CAMKMT: variants seen among roughly 807,000 people sequenced by gnomAD.
The protein encoded by CAMKMT is CaM KMT.
In CAMKMT, 53 loss-of-function variants were observed where a neutral mutation model predicts 48.0. That is an observed-to-expected ratio of 1.10 (90% CI 0.89 to 1.39). The LOEUF (loss-of-function observed/expected upper bound fraction) is 1.39, where lower values mean the gene tolerates loss of function less well. Ranked by LOEUF, CAMKMT falls within the 40% of genes most tolerant of loss-of-function variation. The pLI, the probability that CAMKMT is intolerant of heterozygous loss-of-function variation, is 0.00. For synonymous variants in CAMKMT, 165 were observed against 152.3 expected, an observed-to-expected ratio of 1.08 and a Z score of -0.61; for missense variants, 428 against 402.7, an observed-to-expected ratio of 1.06 and a Z score of -0.54.
intron 3 of CAMKMT, among the ~76,000 whole-genome samples, chr2:44,556,179 C>T (rs567256338): frequency 1.3e-5 from 2 of 152,180 alleles, no homozygotes; most frequent in Admixed American, 6.5e-5. Flanking sequence ...TGCTCTGTCA[C>T]CCAGGCTGGA....
intron 7 of CAMKMT, among the ~76,000 whole-genome samples, chr2:44,725,486 G>A (rs868580696): frequency 6.6e-6 from 1 of 152,160 alleles, no homozygotes; most frequent in Non-Finnish European, 1.5e-5. Context: ...ACAAGACAGA[G>A]TCTGCTCTAA....
chr2:44,737,754 T>C (rs200293235), intron 7 of CAMKMT, among the ~76,000 whole-genome samples: 79 of 149,128 alleles, frequency 5.3e-4, no homozygotes, highest in African/African-American at 1.6e-3. Flanking sequence ...CTCTCTCTCT[T>C]TCTCTCTCTC....
intron 3 of CAMKMT, among the ~76,000 whole-genome samples, chr2:44,401,550 C>CT (rs1383143126): frequency 6.7e-6 from 1 of 150,026 alleles, no homozygotes; most frequent in Non-Finnish European, 1.5e-5. Context: ...GAGACTCTGT[C>CT]TCAAAAAAAA....
At chr2:44,661,820 A>G (rs987381813) in intron 3 of CAMKMT, among the ~76,000 whole-genome samples, 1 of 152,194 alleles carries the variant, frequency 6.6e-6, no homozygotes, top group African/African-American at 2.4e-5. Flanking sequence ...CAACCCAACT[A>G]AATTTCTTTG....
intron 3 of CAMKMT, among the ~76,000 whole-genome samples, chr2:44,471,749 C>T (rs1668430292): frequency 6.6e-6 from 1 of 152,118 alleles, no homozygotes; most frequent in South Asian, 2.1e-4. Flanking sequence ...CTCTGTTGCC[C>T]AGACTGTCTG....
At chr2:44,396,132 G>A (rs989255290) in intron 3 of CAMKMT, among the ~76,000 whole-genome samples, 2 of 151,742 alleles carry the variant, frequency 1.3e-5, no homozygotes, top group African/African-American at 4.8e-5. Context: ...ATTTAATATG[G>A]GTTAAGTATT....
At chr2:44,428,031 G>A (rs1330137950) in intron 3 of CAMKMT, among the ~76,000 whole-genome samples, 1 of 152,190 alleles carries the variant, frequency 6.6e-6, no homozygotes, top group Non-Finnish European at 1.5e-5. Context: ...CTAAGGGTGT[G>A]TGTTACAAAC....
chr2:44,612,520 T>C (rs1162889163), intron 3 of CAMKMT, among the ~76,000 whole-genome samples: 3 of 152,206 alleles, frequency 2.0e-5, no homozygotes, highest in African/African-American at 7.2e-5. Context: ...CTCTGAATAA[T>C]ATTACAGTTA....
intron 3 of CAMKMT, among the ~76,000 whole-genome samples, chr2:44,584,600 T>G (rs1437065941): frequency 6.6e-6 from 1 of 152,202 alleles, no homozygotes; most frequent in African/African-American, 2.4e-5. Context: ...ACAATTATTT[T>G]TGGAATTCAA....
chr2:44,750,042 A>G (rs1253341782), intron 8 of CAMKMT, among the ~76,000 whole-genome samples: 1 of 152,224 alleles, frequency 6.6e-6, no homozygotes, highest in Non-Finnish European at 1.5e-5. Context: ...TAGAGAAGAA[A>G]TTCAAGTTGT....
At chr2:44,469,322 A>G (rs1381951635) in intron 3 of CAMKMT, among the ~76,000 whole-genome samples, 4 of 150,022 alleles carry the variant, frequency 2.7e-5, no homozygotes, top group Non-Finnish European at 5.9e-5. Context: ...GTCTTAATCT[A>G]TTTGGCTGTT....
chr2:44,611,902 G>GC (rs1671620630), intron 3 of CAMKMT, among the ~76,000 whole-genome samples: 1 of 152,040 alleles, frequency 6.6e-6, no homozygotes, highest in South Asian at 2.1e-4. Context: ...TGAACTCAGA[G>GC]CAAGAGCTCA....
intron 3 of CAMKMT, among the ~76,000 whole-genome samples, chr2:44,679,438 C>T (rs1675894222): frequency 6.6e-6 from 1 of 152,092 alleles, no homozygotes; most frequent in African/African-American, 2.4e-5. Context: ...CTTTGAACTT[C>T]TGAGTGGAGA....
intron 3 of CAMKMT, among the ~76,000 whole-genome samples, chr2:44,665,994 A>G (rs1674944899): frequency 6.6e-6 from 1 of 152,236 alleles, no homozygotes; most frequent in African/African-American, 2.4e-5. Flanking sequence ...TAGGAAAAAC[A>G]CGGAGATAAT....
intron 10 of CAMKMT, among the ~76,000 whole-genome samples, chr2:44,766,767 CT>C (rs778660004): frequency 1.3e-4 from 19 of 150,508 alleles, no homozygotes; most frequent in Non-Finnish European, 2.2e-4. Flanking sequence ...GAAACCATTC[CT>C]GTTTACTCTT....
At chr2:44,564,268 C>CG (rs1193833615) in intron 3 of CAMKMT, among the ~76,000 whole-genome samples, 3 of 151,446 alleles carry the variant, frequency 2.0e-5, no homozygotes, top group South Asian at 2.1e-4. Context: ...CTCCGCCTTC[C>CG]GGGTTCAAGC....
At chr2:44,748,832 G>A (rs1290122675) in intron 8 of CAMKMT, among the ~76,000 whole-genome samples, 5 of 152,254 alleles carry the variant, frequency 3.3e-5, no homozygotes, top group South Asian at 4.2e-4. Context: ...AGCCAAGATC[G>A]CTCAAGATAT....
intron 3 of CAMKMT, among the ~76,000 whole-genome samples, chr2:44,642,899 A>T (rs537162952): frequency 6.4e-4 from 97 of 152,230 alleles, no homozygotes; most frequent in African/African-American, 2.3e-3. Flanking sequence ...TTACCCATGG[A>T]TGATTCTCAG....
intron 9 of CAMKMT, among the ~76,000 whole-genome samples, chr2:44,764,081 A>G (rs184270321): frequency 6.6e-6 from 1 of 151,852 alleles, no homozygotes; most frequent in Admixed American, 6.6e-5. Context: ...ACCATGTATT[A>G]TATCTAGTTT....
Sources: gnomAD v4.1 joint callset for allele counts (sites outside exome capture counted in the v4.1 genomes callset) on GRCh38, gnomAD v4.1.1 for gene constraint, MANE v1.5 for transcripts, NCBI Gene and HGNC (gene_info 2026-07-23, HGNC 2026-07-21) for gene names.